The following MBD3 variants were observed in gnomAD, a reference collection of about 807,000 sequenced individuals.
MBD3 encodes the protein methyl-CpG-binding domain protein 3.
A neutral mutation model predicts 31.2 loss-of-function variants in MBD3; 13 were observed. The ratio of observed to expected loss-of-function variants is 0.42; its 90% CI spans 0.27 to 0.66. The LOEUF is 0.66. Among genes scored for constraint, MBD3 ranks in the 30% least tolerant of loss-of-function variants. MBD3 has a pLI of 0.26. For synonymous variants in MBD3, 223 were observed against 187.4 expected (o/e 1.19, Z -1.55); for missense variants, 440 against 426.5 (o/e 1.03, Z -0.28).
intron 1 of MBD3, among the ~76,000 whole-genome samples, chr19:1,586,901 A>G (rs181719313): frequency 6.6e-6 from 1 of 151,466 alleles, no homozygotes; most frequent in African/African-American, 2.4e-5. Flanking sequence ...TCCTGACCTC[A>G]GGTGATCTGT....
intron 3 of MBD3, 67 bp downstream of exon 3, chr19:1,584,473 C>G (rs2060667987): frequency 6.2e-7 from 1 of 1,602,380 alleles, no homozygotes; most frequent in Non-Finnish European, 8.5e-7. Flanking sequence ...GACCTCATTC[C>G]AAACGTCCAC....
chr19:1,585,186 G>C lies in MBD3; in HGVS notation c.139C>G (p.Pro47Ala). ...SPSGKKFRSK[P>A]QLARYLGGSM... ...CCGCCCAGGTAGCGCGCCAGCTGCG[G>C]CTTGCTGCGGAACTTCTTCCCGCTC... Residue 47 changes from proline to alanine, a missense_variant, in exon 2 of 7, where the codon CCG becomes GCG. Physicochemically the swap from Pro to Ala is conservative, Grantham distance 27. Around this residue, in one of 3 missense-constraint regions of MBD3, gnomAD observed 179 missense variants for 134.7 expected, o/e 1.33. Transcript: ENST00000434436. This position sits in a 1 kb window ranked among gnomAD's most constrained non-coding sequence, Gnocchi z 4.1. The C allele has an allele frequency of 6.2e-7, 1 of 1,604,814 alleles. No individual in the cohort carries two copies. The highest frequency in any genetic ancestry group is 8.5e-7 in the Non-Finnish European group (1 of 1,178,808).
intron 1 of MBD3, among the ~76,000 whole-genome samples, chr19:1,587,751 C>T (rs1008470506): frequency 6.6e-6 from 1 of 152,210 alleles, no homozygotes; most frequent in African/African-American, 2.4e-5. Context: ...AATAATAGCA[C>T]TTGTATGGTG....
chr19:1,578,512 A>G lies in MBD3; in HGVS notation c.704T>C (p.Val235Ala), dbSNP rs756330991. 6.2e-7 allele frequency: 1 copy of G among 1,612,244 alleles called. No homozygotes were observed. Among genetic ancestry groups the G allele is most frequent in the Non-Finnish European group, 8.5e-7 (1 of 1,179,866 alleles). The change falls in exon 6 of 7, where the codon GTG (valine) becomes GCG (alanine). Residue 235 changes from valine to alanine, a missense_variant. Val to Ala is a moderately conservative substitution (Grantham distance 64). This residue lies in a region of MBD3 where 117 missense variants were observed against 95.0 expected (regional missense o/e 1.23). Transcript: ENST00000434436. This position sits in a 1 kb window ranked among gnomAD's most constrained non-coding sequence, Gnocchi z 6.1. ...IRKQEELVQQ[V>A]RKRLEEALMA... is the part of the protein sequence containing the mutation. The stretch of plus-strand genomic sequence containing the variant: ...CAGCGCCTCCTCCAGCCGCTTCCGC[A>G]CCTGCTGCACCAGCTCTTCCTGCTT...
rs1599338990 is a variant in MBD3 at position 1,578,898 on chromosome 19, TCACCAGGCCAGGTAGA to T, written c.678-376_678-361del. Among the ~76,000 whole-genome samples, 5 of 151,880 alleles carry T rather than the reference TCACCAGGCCAGGTAGA, an allele frequency of 3.3e-5. No individual in the cohort carries two copies. In the East Asian group the frequency reaches 9.7e-4, roughly 29 times the overall value. On this transcript the variant is annotated intron_variant, in intron 5 of 6. Transcript: ENST00000434436. The surrounding 1 kb of genome is among the most constrained non-coding windows in gnomAD (Gnocchi z 6.1). ...GGCACTGAGTGGGGCAGGAAAACCC[TCACCAGGCCAGGTAGA>T]GGCTCATGCCTGTAATCCCAGCACT...
At position 1,575,428 on chromosome 19, in the gene MBD3, C is replaced by G. The variant is rs1916141820; in HGVS notation, c.*2736G>C. On this transcript the variant is annotated 3_prime_UTR_variant, in exon 7 of 7. Coordinates refer to ENST00000434436, the MANE Select transcript of MBD3 (RefSeq NM_001281453.2). ...CTCTTGTCTAAAAAAAAAAAAAGTC[C>G]CAGAAGGTCTTGGGGCTGAGACATG... 1 of 329,932 alleles carries G rather than the reference C, an allele frequency of 3.0e-6. No homozygotes were observed. Among genetic ancestry groups the G allele is most frequent in the African/African-American group, 2.2e-5 (1 of 45,084 alleles). The allele number at this position is 329,932 out of a possible 1,614,324, so 20.4% of individuals were successfully genotyped here.
chr19:1,588,779 CAAAAAAAAAAA>C (rs750933978), intron 1 of MBD3, among the ~76,000 whole-genome samples: 1 of 54,950 alleles, frequency 1.8e-5, no homozygotes. Flanking sequence ...ACTGTGTCTC[CAAAAAAAAAAA>C]AAAAAAAAAA....
rs372484409 is a variant in MBD3, at chr19:1,578,329, C to T, written c.*5+6G>A. The T allele has an allele frequency of 1.9e-5, 30 of 1,601,982 alleles. No homozygotes were observed. In the African/African-American group the frequency reaches 2.8e-4, roughly 15 times the overall value. On this transcript the variant is annotated splice_donor_region_variant and intron_variant, in intron 6 of 6. Coordinates refer to ENST00000434436, the MANE Select transcript of MBD3 (RefSeq NM_001281453.2). The surrounding 1 kb of genome is among the most constrained non-coding windows in gnomAD (Gnocchi z 6.1). ...ACTCCAGGGAGCCCCCGTGGCCCCG[C>T]AGCACCTGCCCTAGACGTGCTCCAT...
chr19:1,588,205 C>T lies in MBD3; in HGVS notation c.111-2991G>A, dbSNP rs187203556. Among the ~76,000 whole-genome samples the T allele has an allele frequency of 1.8e-3, 276 of 152,334 alleles. 1 individual carries two copies. The highest frequency in any genetic ancestry group is 1.3e-3 in the Non-Finnish European group (90 of 68,022). On this transcript the variant is annotated intron_variant, in intron 1 of 6. Transcript: ENST00000434436. ...CTCCAGCATGTCCAGTAGGACAGGA[C>T]GCCTCAGGGAGGGCACGAGGACAAG...
At chr19:1,584,068 A>G (rs1014470503) in intron 3 of MBD3, among the ~76,000 whole-genome samples, 12 of 151,854 alleles carry the variant, frequency 7.9e-5, no homozygotes, top group African/African-American at 2.9e-4. Context: ...CAGGTGATCC[A>G]CCTGCCTCGG....
intron 1 of MBD3, among the ~76,000 whole-genome samples, chr19:1,591,172 C>T (rs975168456): frequency 6.6e-6 from 1 of 152,220 alleles, no homozygotes; most frequent in Admixed American, 6.5e-5. Context: ...CATTCAGGCC[C>T]CGTCATCTGC....
rs1167578638 is a variant in MBD3 at position 1,585,049 on chromosome 19, A to C, written c.270+6T>G. 1.2e-6 allele frequency: 2 copies of C among 1,610,878 alleles called. No homozygotes were observed. The highest frequency in any genetic ancestry group is 1.1e-5 in the South Asian group (1 of 91,062). On this transcript the variant is annotated splice_donor_region_variant and intron_variant, in intron 2 of 6. Transcript: ENST00000434436. This position sits in a 1 kb window ranked among gnomAD's most constrained non-coding sequence, Gnocchi z 4.1. ...CCGACGTCACCTGCGTGACGCCACC[A>C]CTCACCTTGACCTGGTTGGAGGAGT...
intron 1 of MBD3, among the ~76,000 whole-genome samples, chr19:1,589,274 T>C (rs1158617548): frequency 7.1e-6 from 1 of 140,816 alleles, no homozygotes; most frequent in Non-Finnish European, 1.5e-5. Flanking sequence ...GAGGTCGCAG[T>C]GAGCCCAGAT....
chr19:1,584,485 C>T, intron 3 of MBD3, 55 bp downstream of exon 3: 3 of 1,606,438 alleles, frequency 1.9e-6, no homozygotes, highest in South Asian at 1.1e-5. Flanking sequence ...AACGTCCACC[C>T]ACCAAAGTGA....
Position 1,574,929 on chromosome 19 carries a change from G to A in MBD3, c.*3235C>T, listed in dbSNP as rs1447102899. ...AGGGACAGCAAGGCACGGGCCCTGG[G>A]TGTGGCAGGAGAGGCATGATGCCCC... On this transcript the variant is annotated 3_prime_UTR_variant, in exon 7 of 7. Coordinates refer to ENST00000434436, the MANE Select transcript of MBD3 (RefSeq NM_001281453.2). The A allele has an allele frequency of 3.2e-6, 1 of 313,298 alleles. No homozygotes were observed. Among genetic ancestry groups the A allele is most frequent in the Non-Finnish European group, 6.4e-6 (1 of 156,536 alleles). 19.4% of individuals were successfully genotyped at this position (313,298 alleles called of 1,614,324 possible).
intron 4 of MBD3, chr19:1,581,590 C>A (rs1917355389): frequency 2.4e-6 from 1 of 422,474 alleles, no homozygotes; most frequent in Admixed American, 3.6e-5. Context: ...CAAAATAATT[C>A]AAAAATTAGC....
At chr19:1,590,741 A>C (rs558060845) in intron 1 of MBD3, among the ~76,000 whole-genome samples, 2 of 152,372 alleles carry the variant, frequency 1.3e-5, no homozygotes, top group African/African-American at 4.8e-5. Flanking sequence ...AACAGCCTTG[A>C]TAAAACCACA....
At chr19:1,582,861 G>A in intron 3 of MBD3, 149 bp from the exon 4 acceptor site, 1 of 697,710 alleles carries the variant, frequency 1.4e-6, no homozygotes, top group Non-Finnish European at 2.6e-6. Context: ...TGGGTCTCCA[G>A]ACCCTGCCCA....
At position 1,581,155 on chromosome 19, in the gene MBD3, C is replaced by G; in HGVS notation, c.614G>C (p.Gly205Ala). 1 of 1,614,170 alleles carries G rather than the reference C, an allele frequency of 6.2e-7. No individual in the cohort carries two copies. The highest frequency in any genetic ancestry group is 1.1e-5 in the South Asian group (1 of 91,086). The change falls in exon 5 of 7, where the codon GGC becomes GCC. Residue 205 changes from glycine to alanine, a missense_variant. Gly to Ala is a moderately conservative substitution (Grantham distance 60, BLOSUM62 0). Transcript: ENST00000434436. ...QLSAAVEKNP[G>A]VWLNTTQPLC... is the part of the protein sequence containing the mutation. ...GGGCTGCGTGGTGTTGAGCCATACG[C>G]CGGGGTTCTTCTCCACGGCGGCCGA...
Sources: gnomAD v4.1 joint callset for allele counts (sites outside exome capture counted in the v4.1 genomes callset) on GRCh38, gnomAD v4.1.1 for gene constraint, gnomAD v4.1.1 regional missense constraint, Gnocchi (gnomAD v3.1) non-coding constraint, MANE v1.5 for transcripts, NCBI Gene and HGNC (gene_info 2026-07-23, HGNC 2026-07-21) for gene names.